The following PRKN variants were observed in gnomAD, a reference collection of about 807,000 sequenced individuals.
The protein encoded by PRKN is E3 ubiquitin-protein ligase parkin.
Under a neutral mutation model 59.5 loss-of-function variants are expected in PRKN, and 56 were observed. That is an observed-to-expected ratio of 0.94 (90% CI 0.76 to 1.18). The LOEUF is 1.18. PRKN is among the 50% of genes most tolerant of loss of function. The probability of loss-of-function intolerance (pLI) is 0.00; values close to 1 mark genes in which losing one functional copy is unlikely to be tolerated. For synonymous variants in PRKN, 250 were observed against 222.1 expected (o/e 1.13, Z -1.12); for missense variants, 657 against 596.4 (o/e 1.10, Z -1.06).
intron 6 of PRKN, among the ~76,000 whole-genome samples, chr6:161,909,058 C>T (rs554093768): frequency 6.6e-5 from 10 of 152,282 alleles, no homozygotes; most frequent in East Asian, 1.9e-4. Context: ...AGTCAATGCA[C>T]GAGGCTCTCC....
intron 5 of PRKN, among the ~76,000 whole-genome samples, chr6:161,975,977 C>T (rs1296694571): frequency 2.0e-5 from 3 of 152,100 alleles, no homozygotes; most frequent in Non-Finnish European, 2.9e-5. Context: ...GCAGTCTTGG[C>T]TCACTGCAAC....
chr6:162,713,795 G>A (rs1257404013), intron 1 of PRKN, among the ~76,000 whole-genome samples: 3 of 152,062 alleles, frequency 2.0e-5, no homozygotes, highest in Non-Finnish European at 4.4e-5. Flanking sequence ...CCATTCAGAA[G>A]CAGAATTATA....
chr6:162,457,924 A>G (rs778822838), intron 1 of PRKN, among the ~76,000 whole-genome samples: 24 of 151,958 alleles, frequency 1.6e-4, no homozygotes, highest in Non-Finnish European at 2.9e-4. Context: ...AATTACAGCC[A>G]GTCTGGCCAA....
At chr6:162,614,811 G>C (rs1424988906) in intron 1 of PRKN, among the ~76,000 whole-genome samples, 1 of 152,132 alleles carries the variant, frequency 6.6e-6, no homozygotes, top group African/African-American at 2.4e-5. Flanking sequence ...AGCATAGAAA[G>C]AGCCATATAC....
intron 7 of PRKN, among the ~76,000 whole-genome samples, chr6:161,645,148 ACT>A (rs990043406): frequency 5.9e-5 from 9 of 151,958 alleles, no homozygotes; most frequent in Non-Finnish European, 1.0e-4. Context: ...AAGTATTCTG[ACT>A]CTACTTCCTA....
At chr6:161,625,763 C>G (rs757791617) in intron 7 of PRKN, among the ~76,000 whole-genome samples, 1 of 152,066 alleles carries the variant, frequency 6.6e-6, no homozygotes, top group Non-Finnish European at 1.5e-5. Flanking sequence ...GCTCAGCACA[C>G]AAGTGTAAAA....
intron 1 of PRKN, among the ~76,000 whole-genome samples, chr6:162,590,902 G>T (rs1321125662): frequency 1.3e-5 from 2 of 152,086 alleles, no homozygotes; most frequent in East Asian, 3.9e-4. Flanking sequence ...TGGCCCCACA[G>T]ACTATCCTCT....
chr6:162,071,219 T>A (rs1223328440), intron 4 of PRKN, among the ~76,000 whole-genome samples: 1 of 148,930 alleles, frequency 6.7e-6, no homozygotes, highest in Non-Finnish European at 1.5e-5. Context: ...CATGCCCTCA[T>A]CTGTGAAATG....
At chr6:162,256,293 T>C (rs185954110) in intron 3 of PRKN, among the ~76,000 whole-genome samples, 4 of 152,294 alleles carry the variant, frequency 2.6e-5, no homozygotes, top group Admixed American at 2.6e-4. Context: ...AGACCATAAA[T>C]TCTTGATTTA....
chr6:161,973,663 G>C (rs1780912801), intron 5 of PRKN, among the ~76,000 whole-genome samples: 1 of 152,162 alleles, frequency 6.6e-6, no homozygotes, highest in Non-Finnish European at 1.5e-5. Flanking sequence ...GGGAGCTGGA[G>C]AAATACGCTG....
At chr6:162,580,137 T>C (rs1780731836) in intron 1 of PRKN, among the ~76,000 whole-genome samples, 1 of 152,164 alleles carries the variant, frequency 6.6e-6, no homozygotes, top group African/African-American at 2.4e-5. Context: ...TATCAGATGG[T>C]GCTTTGAAAG....
In PRKN at chr6:161,475,982, G is replaced by T. The variant is rs969098061; in HGVS notation, c.1083+72872C>A. Among the ~76,000 whole-genome samples the T allele has an allele frequency of 1.8e-4, 28 of 151,954 alleles. No homozygotes were observed. Among genetic ancestry groups the T allele is most frequent in the African/African-American group, 5.6e-4 (23 of 41,382 alleles). On this transcript the variant is annotated intron_variant, in intron 9 of 11. Coordinates refer to ENST00000366898, the MANE Select transcript of PRKN (RefSeq NM_004562.3). The surrounding 1 kb of genome is among the most constrained non-coding windows in gnomAD (Gnocchi z 5.3). Reference sequence around the variant, plus strand: ...TGGGCGGATCACGAGGTCAGGAGATGGAGACCATCCTGGTTAACACGGTGA... The same window carrying T: ...TGGGCGGATCACGAGGTCAGGAGATTGAGACCATCCTGGTTAACACGGTGA...
chr6:162,040,308 T>G (rs1349798369), intron 5 of PRKN, among the ~76,000 whole-genome samples: 2 of 152,156 alleles, frequency 1.3e-5, no homozygotes, highest in Admixed American at 6.5e-5. Flanking sequence ...CTTTTATGAT[T>G]TAGCTTCAGA....
chr6:162,061,916 G>A (rs80124447), intron 4 of PRKN, among the ~76,000 whole-genome samples: 1,761 of 152,248 alleles, frequency 0.012, 33 homozygotes, highest in African/African-American at 0.041. Context: ...AAATGCCCAT[G>A]TAAAAGACAG....
intron 6 of PRKN, among the ~76,000 whole-genome samples, chr6:161,869,654 A>G (rs4265013): frequency 6.6e-6 from 1 of 151,944 alleles, no homozygotes; most frequent in African/African-American, 2.4e-5. Flanking sequence ...TCACAACACA[A>G]ACATGCTGTC....
At position 161,446,480 on chromosome 6, in the gene PRKN, G is replaced by A. The variant is rs1382744512; in HGVS notation, c.1084-59603C>T. The stretch of plus-strand genomic sequence containing the variant: ...TGCAGACTCTGGTGCCCTGAAGCCT[G>A]GCGTCTGAGCCAGATCTGACTTTGT... On this transcript the variant is annotated intron_variant, in intron 9 of 11. Transcript: ENST00000366898. The surrounding 1 kb of genome is among the most constrained non-coding windows in gnomAD (Gnocchi z 6.2). 6.6e-6 allele frequency among the ~76,000 whole-genome samples: 1 copy of A among 152,148 alleles called. No individual in the cohort carries two copies. Among genetic ancestry groups the A allele is most frequent in the Non-Finnish European group, 1.5e-5 (1 of 68,034 alleles).
At chr6:161,597,438 CCTTGGAATTCGAGATAGTGA>C (rs1410706644) in intron 7 of PRKN, among the ~76,000 whole-genome samples, 12 of 152,156 alleles carry the variant, frequency 7.9e-5, no homozygotes, top group African/African-American at 2.9e-4. Context: ...GGTGAACATG[CCTTGGAATTCGAGATAGTGA>C]CTTGTTCCTG....
chr6:161,659,685 G>T (rs1215464375), intron 7 of PRKN, among the ~76,000 whole-genome samples: 1 of 152,140 alleles, frequency 6.6e-6, no homozygotes, highest in Non-Finnish European at 1.5e-5. Context: ...GGAGGACATG[G>T]TCTCCAGGTC....
intron 1 of PRKN, among the ~76,000 whole-genome samples, chr6:162,583,062 T>C (rs1203461927): frequency 2.6e-5 from 4 of 152,144 alleles, no homozygotes; most frequent in African/African-American, 9.7e-5. Flanking sequence ...TGCCTTTTTA[T>C]CTCTTGGCCC....
Sources: gnomAD v4.1 joint callset for allele counts (sites outside exome capture counted in the v4.1 genomes callset) on GRCh38, gnomAD v4.1.1 for gene constraint, Gnocchi (gnomAD v3.1) non-coding constraint, MANE v1.5 for transcripts, NCBI Gene and HGNC (gene_info 2026-07-23, HGNC 2026-07-21) for gene names.